The following PARVB variants were observed in gnomAD, a reference collection of about 807,000 sequenced individuals.
The protein encoded by PARVB is parvin beta.
Under a neutral mutation model 47.0 loss-of-function variants are expected in PARVB, and 46 were observed. That is an observed-to-expected ratio of 0.98 (90% CI 0.77 to 1.25). The LOEUF (loss-of-function observed/expected upper bound fraction) is 1.25. PARVB is among the 50% of genes most tolerant of loss of function. The pLI is 0.00. For missense variants in PARVB, 473 were observed against 471.6 expected (o/e 1.00, Z -0.03); for synonymous variants, 196 against 196.3 (o/e 1.00, Z 0.01).
chr22:44,061,789 G>A (rs1829976671), intron 1 of PARVB, among the ~76,000 whole-genome samples: 1 of 151,898 alleles, frequency 6.6e-6, no homozygotes, highest in Admixed American at 6.6e-5. Context: ...GCTAATTTTT[G>A]TATCTTTAGT....
chr22:44,100,958 G>A (rs566712256), intron 3 of PARVB, among the ~76,000 whole-genome samples: 5 of 152,322 alleles, frequency 3.3e-5, no homozygotes, highest in African/African-American at 1.2e-4. Flanking sequence ...GATGGTGACA[G>A]TGTCTGCCAG....
intron 1 of PARVB, among the ~76,000 whole-genome samples, chr22:44,056,073 C>G (rs1045748310): frequency 6.6e-6 from 1 of 152,248 alleles, no homozygotes; most frequent in African/African-American, 2.4e-5. Context: ...GTTTTGCACA[C>G]GCATGCATCT....
intron 2 of PARVB, among the ~76,000 whole-genome samples, chr22:44,096,075 A>G (rs931412798): frequency 3.3e-5 from 5 of 152,136 alleles, no homozygotes; most frequent in Non-Finnish European, 5.9e-5. Context: ...AAATACAAAA[A>G]TTGGCTGAGT....
chr22:44,022,880 G>C (rs562531631), upstream of PARVB, among the ~76,000 whole-genome samples: 1 of 152,050 alleles, frequency 6.6e-6, no homozygotes, highest in Non-Finnish European at 1.5e-5. Context: ...CCAAGTAGCA[G>C]GGATTACAGG....
intron 2 of PARVB, among the ~76,000 whole-genome samples, chr22:44,004,186 TAGC>T (rs1461434951): frequency 2.0e-5 from 3 of 152,170 alleles, no homozygotes; most frequent in Non-Finnish European, 4.4e-5. Context: ...AGACACGAAG[TAGC>T]AGAGCCATGG....
intron 1 of PARVB, among the ~76,000 whole-genome samples, chr22:44,069,780 C>T (rs912210577): frequency 1.3e-5 from 2 of 152,180 alleles, no homozygotes; most frequent in African/African-American, 2.4e-5. Context: ...CCACCCACCT[C>T]GGCCTCCCAA....
chr22:44,055,132 T>C (rs991903631), intron 1 of PARVB, among the ~76,000 whole-genome samples: 15 of 152,068 alleles, frequency 9.9e-5, no homozygotes, highest in African/African-American at 3.4e-4. Context: ...ATGTATAGTT[T>C]ACTGACTAAT....
chr22:44,167,724 TTCCCCGACAGAGCCCCGGGTGTGTCC>T (rs1299725321), intron 12 of PARVB, among the ~76,000 whole-genome samples: 5 of 59,238 alleles, frequency 8.4e-5, no homozygotes, highest in African/African-American at 2.6e-4. Context: ...CCGAGCCGAG[TTCCCCGACAGAGCCCCGGGTGTGTCC>T]CCAAGCCCAC....
rs1490716802 is a variant in PARVB at position 43,999,544 on chromosome 22, G to T, written c.82G>T (p.Glu28Ter). 1 of 1,585,536 alleles carries T rather than the reference G, an allele frequency of 6.3e-7. No individual in the cohort carries two copies. ...CATTCCTACCTGCAGCAGGAGGCTGGAGCTGAGACGTGGGTGTTCCTGCAG... is the reference window on the plus strand; with the variant it reads ...CATTCCTACCTGCAGCAGGAGGCTGTAGCTGAGACGTGGGTGTTCCTGCAG... Residue 28 changes from glutamate (E) to a stop codon, truncating the protein, a stop_gained, in exon 2 of 14, where the codon GAG becomes TAG. Transcript: ENST00000406477. LOFTEE classifies it high-confidence loss of function.
chr22:44,099,087 G>A (rs1421924579), intron 2 of PARVB, among the ~76,000 whole-genome samples: 1 of 152,218 alleles, frequency 6.6e-6, no homozygotes, highest in Non-Finnish European at 1.5e-5. Context: ...CCACTTGTAT[G>A]TCCTGGGGGT....
At position 44,120,063 on chromosome 22, in the gene PARVB, G is replaced by T. The variant is rs1377622220; in HGVS notation, c.376+923G>T. The T allele has an allele frequency of 2.0e-5, 7 of 356,948 alleles. No individual in the cohort carries two copies. The East Asian group carries it at 4.4e-4, about 23-fold the overall frequency. The allele number at this position is 356,948 out of a possible 1,614,324, so 22.1% of individuals were successfully genotyped here. A position where few individuals can be genotyped will look rare whatever the true frequency, so the allele number is the denominator to read the frequency against. On this transcript the variant is annotated intron_variant, in intron 4 of 12. Coordinates refer to ENST00000338758, the MANE Select transcript of PARVB (RefSeq NM_013327.5). ...ACTGCCATCGCCTTCGACAGGTGGG[G>T]ACGTTGGGGCCCACAGTCTCCTGGT...
At chr22:44,036,692 G>C (rs1168499678) in intron 1 of PARVB, among the ~76,000 whole-genome samples, 1 of 152,186 alleles carries the variant, frequency 6.6e-6, no homozygotes, top group Non-Finnish European at 1.5e-5. Flanking sequence ...AATAGAAGGA[G>C]TGCGTTGGCT....
intron 6 of PARVB, among the ~76,000 whole-genome samples, chr22:44,134,471 A>G (rs2053399055): frequency 6.6e-6 from 1 of 152,164 alleles, no homozygotes; most frequent in African/African-American, 2.4e-5. Context: ...TCAGGCTTGC[A>G]CTTGGGTCCA....
intron 1 of PARVB, among the ~76,000 whole-genome samples, chr22:44,080,387 C>CT (rs1475000645): frequency 2.6e-5 from 4 of 152,220 alleles, no homozygotes; most frequent in African/African-American, 9.6e-5. Context: ...CATTCCTTGC[C>CT]TTTTCCAACT....
At chr22:44,031,753 A>T (rs2050830996) in intron 1 of PARVB, among the ~76,000 whole-genome samples, 2 of 151,956 alleles carry the variant, frequency 1.3e-5, no homozygotes, top group South Asian at 2.1e-4. Context: ...CAGTCGTCAG[A>T]ATAATTAAGG....
At position 44,158,012 on chromosome 22, in the gene PARVB, A is replaced by T; in HGVS notation, c.874A>T (p.Met292Leu). The change falls in exon 11 of 13, where the codon ATG (methionine) becomes TTG (leucine). Residue 292 changes from methionine (M) to leucine (L), a missense_variant. By Grantham distance (15) the Met-to-Leu change is conservative. Coordinates refer to ENST00000338758, the MANE Select transcript of PARVB (RefSeq NM_013327.5). ...AGATGGCGTGTACCTGGTTCTGCTC[A>T]TGGGCCTTCTGGAAGACTACTTTGT... ...FADGVYLVLL[M>L]GLLEDYFVPL... 6.2e-7 allele frequency: 1 copy of T among 1,614,042 alleles called. No homozygotes were observed. The highest frequency in any genetic ancestry group is 8.5e-7 in the Non-Finnish European group (1 of 1,179,910).
chr22:44,070,745 C>A (rs1245341916), intron 1 of PARVB, among the ~76,000 whole-genome samples: 2 of 152,208 alleles, frequency 1.3e-5, no homozygotes, highest in African/African-American at 4.8e-5. Flanking sequence ...TTTTCCTGCA[C>A]AGTGCTGGGC....
intron 3 of PARVB, chr22:44,105,430 A>G (rs922904219): frequency 2.6e-5 from 4 of 152,246 alleles, no homozygotes; most frequent in African/African-American, 9.7e-5. Context: ...GCTGTCTTCA[A>G]CACTTCTTTC....
chr22:44,002,411 G>A (rs996886779), intron 2 of PARVB, among the ~76,000 whole-genome samples: 3 of 152,128 alleles, frequency 2.0e-5, no homozygotes, highest in African/African-American at 4.8e-5. Context: ...CCTCCCTGCC[G>A]CAGATCCTTT....
Sources: allele counts gnomAD v4.1 joint callset (sites outside exome capture counted in the v4.1 genomes callset), GRCh38; gene constraint gnomAD v4.1.1; transcripts MANE v1.5; gene names NCBI Gene and HGNC (gene_info 2026-07-23, HGNC 2026-07-21).